BMAL1: variants seen among roughly 807,000 people sequenced by gnomAD.
BMAL1 encodes the protein basic helix-loop-helix ARNT-like protein 1.
the BMAL1 span, among the ~76,000 whole-genome samples, chr11:13,292,555 A>AAAT: frequency 1.3e-5 from 2 of 151,230 alleles, no homozygotes; most frequent in Non-Finnish European, 2.9e-5. Context: ...TCAAAAAAAA[A>AAAT]AAAATAAAAT....
the BMAL1 span, among the ~76,000 whole-genome samples, chr11:13,290,232 G>T: frequency 4.6e-5 from 7 of 152,302 alleles, no homozygotes; most frequent in Non-Finnish European, 8.8e-5. Flanking sequence ...ATGTTTTAAA[G>T]ATGATTACAT....
At chr11:13,314,671 A>C in the BMAL1 span, among the ~76,000 whole-genome samples, 1 of 152,202 alleles carries the variant, frequency 6.6e-6, no homozygotes, top group Non-Finnish European at 1.5e-5. Context: ...TTGGTCCTGG[A>C]TGAATCCCAA....
the BMAL1 span, chr11:13,386,537 C>CT: frequency 6.9e-7 from 1 of 1,451,912 alleles, no homozygotes; most frequent in South Asian, 1.6e-5. Context: ...GAATTGCTTA[C>CT]TTAATCTGAA....
At chr11:13,355,079 G>A in the BMAL1 span, 2 of 624,374 alleles carry the variant, frequency 3.2e-6, no homozygotes, top group Admixed American at 2.6e-5. Context: ...ATAAGGCAGT[G>A]TAGAATATTC....
At chr11:13,363,470 C>A in the BMAL1 span, among the ~76,000 whole-genome samples, 1 of 152,078 alleles carries the variant, frequency 6.6e-6, no homozygotes, top group African/African-American at 2.4e-5. Context: ...GAAATACTGT[C>A]CAGTCCCTTA....
At chr11:13,372,043 T>A in the BMAL1 span, 2 of 1,334,036 alleles carry the variant, frequency 1.5e-6, no homozygotes, top group East Asian at 2.3e-5. Flanking sequence ...TTCTGGAGAG[T>A]GAAGCCTTGA....
At chr11:13,371,964 A>T in the BMAL1 span, among the ~76,000 whole-genome samples, 1 of 152,128 alleles carries the variant, frequency 6.6e-6, no homozygotes, top group African/African-American at 2.4e-5. Flanking sequence ...AACTGGCCCT[A>T]CTTAAGCATT....
At chr11:13,332,838 G>A in the BMAL1 span, among the ~76,000 whole-genome samples, 1 of 152,118 alleles carries the variant, frequency 6.6e-6, no homozygotes, top group Non-Finnish European at 1.5e-5. Flanking sequence ...AGAGGAGTCT[G>A]GGAAGTAGCC....
chr11:13,363,278 TAATA>T, the BMAL1 span, among the ~76,000 whole-genome samples: 1 of 151,962 alleles, frequency 6.6e-6, no homozygotes, highest in Non-Finnish European at 1.5e-5. Context: ...CTGCTTTTCT[TAATA>T]ATTTTCTATC....
chr11:13,368,739 C>A, the BMAL1 span, among the ~76,000 whole-genome samples: 1 of 152,140 alleles, frequency 6.6e-6, no homozygotes, highest in Non-Finnish European at 1.5e-5. Context: ...AGTCATGCTC[C>A]ACCCCCAGAG....
chr11:13,366,821 A>G, the BMAL1 span: 1 of 1,561,450 alleles, frequency 6.4e-7, no homozygotes. Flanking sequence ...TCAGCAGCCC[A>G]CTCACAGGCA....
chr11:13,290,552 A>AGT, the BMAL1 span, among the ~76,000 whole-genome samples: 11 of 136,488 alleles, frequency 8.1e-5, no homozygotes, highest in African/African-American at 2.9e-4. Flanking sequence ...CAGCATTACA[A>AGT]GTGTATATAT....
chr11:13,381,694 C>T, the BMAL1 span, among the ~76,000 whole-genome samples: 3 of 152,178 alleles, frequency 2.0e-5, no homozygotes, highest in Non-Finnish European at 4.4e-5. Flanking sequence ...TTTATAGCTG[C>T]AGAATACTTG....
At chr11:13,311,236 A>G in the BMAL1 span, among the ~76,000 whole-genome samples, 1 of 152,210 alleles carries the variant, frequency 6.6e-6, no homozygotes, top group African/African-American at 2.4e-5. Context: ...GAGAAGATTA[A>G]GTCTAGAGAT....
the BMAL1 span, chr11:13,386,983 G>C: frequency 1.4e-5 from 6 of 430,172 alleles, no homozygotes; most frequent in South Asian, 3.7e-4. Flanking sequence ...TGGGCTAGCT[G>C]TGGATAGCTT....
At chr11:13,368,669 C>T in the BMAL1 span, among the ~76,000 whole-genome samples, 1 of 152,160 alleles carries the variant, frequency 6.6e-6, no homozygotes, top group African/African-American at 2.4e-5. Context: ...TGTACTGACA[C>T]CTAGCCAGTG....
chr11:13,387,209 A>T, the BMAL1 span: 1 of 153,776 alleles, frequency 6.5e-6, no homozygotes, highest in African/African-American at 2.4e-5. Context: ...ATATGGGTTA[A>T]AGTATAATGT....
At chr11:13,377,116 A>T in the BMAL1 span, among the ~76,000 whole-genome samples, 1 of 152,178 alleles carries the variant, frequency 6.6e-6, no homozygotes, top group South Asian at 2.1e-4. Context: ...TACCATACCC[A>T]CTGGGCTCCC....
At chr11:13,328,886 C>G in the BMAL1 span, among the ~76,000 whole-genome samples, 42 of 152,290 alleles carry the variant, frequency 2.8e-4, no homozygotes, top group East Asian at 7.5e-3. Context: ...CTCTCTGAGC[C>G]TTGATTTTTC....
Sources: allele counts gnomAD v4.1 joint callset (sites outside exome capture counted in the v4.1 genomes callset), GRCh38; gene constraint gnomAD v4.1.1; transcripts MANE v1.5; gene names NCBI Gene and HGNC (gene_info 2026-07-23, HGNC 2026-07-21).